EDARADD: variants seen among roughly 807,000 people sequenced by gnomAD.
EDARADD encodes the protein EDAR associated via death domain.
A neutral mutation model predicts 25.6 loss-of-function variants in EDARADD; 20 were observed. The ratio of observed to expected loss-of-function variants is 0.78; its 90% CI spans 0.55 to 1.14. The LOEUF (loss-of-function observed/expected upper bound fraction) is 1.14. Among genes scored for constraint, EDARADD ranks in the 50% most tolerant of loss-of-function variants. EDARADD has a pLI of 0.00. For synonymous variants in EDARADD, 86 were observed against 94.4 expected, an observed-to-expected ratio of 0.91 and a Z score of 0.52; for missense variants, 225 against 270.1, an observed-to-expected ratio of 0.83 and a Z score of 1.17.
chr1:236,414,696 G>A (rs1405965464), intron 3 of EDARADD, among the ~76,000 whole-genome samples: 1 of 152,036 alleles, frequency 6.6e-6, no homozygotes, highest in African/African-American at 2.4e-5. Flanking sequence ...CACTTTGGGA[G>A]GCCGAGGCAG....
At chr1:236,399,649 T>C (rs971144786) in intron 1 of EDARADD, among the ~76,000 whole-genome samples, 1 of 152,248 alleles carries the variant, frequency 6.6e-6, no homozygotes, top group East Asian at 1.9e-4. Context: ...GAGCCAGATT[T>C]GTCTGTCAAA....
chr1:236,460,099 C>G (rs971654826), intron 4 of EDARADD, among the ~76,000 whole-genome samples: 15 of 152,062 alleles, frequency 9.9e-5, no homozygotes, highest in African/African-American at 3.4e-4. Flanking sequence ...CTCTATATCC[C>G]AGAGCCTAGA....
At chr1:236,363,467 A>G (rs1667078530) in intron 3 of EDARADD, among the ~76,000 whole-genome samples, 1 of 151,608 alleles carries the variant, frequency 6.6e-6, no homozygotes, top group Non-Finnish European at 1.5e-5. Context: ...CTGTAATCCC[A>G]GCACTTTGGG....
chr1:236,435,835 G>A (rs1658236560), intron 4 of EDARADD, among the ~76,000 whole-genome samples: 1 of 152,062 alleles, frequency 6.6e-6, no homozygotes, highest in Admixed American at 6.6e-5. Context: ...AGAAGGTAGA[G>A]GGGATTCATT....
At chr1:236,438,923 G>A (rs910018108) in intron 4 of EDARADD, among the ~76,000 whole-genome samples, 2 of 152,212 alleles carry the variant, frequency 1.3e-5, no homozygotes, top group Non-Finnish European at 2.9e-5. Flanking sequence ...TTGGACAAAC[G>A]TCTGATGACA....
At chr1:236,436,141 T>TA (rs541668054) in intron 4 of EDARADD, among the ~76,000 whole-genome samples, 8,727 of 145,138 alleles carry the variant, frequency 0.06, 304 homozygotes, top group African/African-American at 0.087. Flanking sequence ...CCATCTCTAT[T>TA]AAAAAAAAAA....
intron 3 of EDARADD, among the ~76,000 whole-genome samples, chr1:236,387,362 G>A (rs1261749597): frequency 6.4e-5 from 2 of 31,064 alleles, no homozygotes; most frequent in Non-Finnish European, 1.4e-4. Context: ...CGCCCCCTCC[G>A]GGAGGGAGGT....
intron 4 of EDARADD, among the ~76,000 whole-genome samples, chr1:236,447,554 C>T (rs1658600760): frequency 1.3e-5 from 2 of 152,270 alleles, no homozygotes; most frequent in Non-Finnish European, 2.9e-5. Context: ...ATCCCTGAGC[C>T]TGCTGCATCA....
intron 5 of EDARADD, among the ~76,000 whole-genome samples, chr1:236,482,045 G>A (rs1301754771): frequency 1.3e-5 from 2 of 150,524 alleles, no homozygotes; most frequent in Non-Finnish European, 3.0e-5. Flanking sequence ...CCCCTGGGAG[G>A]CGGAGCTTGC....
intron 5 of EDARADD, 116 bp from the exon 6 acceptor site, chr1:236,482,150 GA>G: frequency 2.8e-6 from 3 of 1,061,198 alleles, no homozygotes; most frequent in Non-Finnish European, 4.3e-6. Flanking sequence ...CGAGCATTCT[GA>G]AATAGTCTTC....
At chr1:236,479,516 C>T (rs1238256676) in intron 5 of EDARADD, among the ~76,000 whole-genome samples, 2 of 151,442 alleles carry the variant, frequency 1.3e-5, no homozygotes, top group African/African-American at 2.4e-5. Context: ...AAAAAAAAAC[C>T]TCTCTATTCG....
At chr1:236,407,261 C>T (rs985851366) in intron 1 of EDARADD, among the ~76,000 whole-genome samples, 12 of 152,120 alleles carry the variant, frequency 7.9e-5, no homozygotes, top group South Asian at 2.1e-4. Flanking sequence ...CCGCGGTCCC[C>T]GGGGGTTAGG....
chr1:236,391,258 G>A (rs1042181420), upstream of EDARADD, among the ~76,000 whole-genome samples: 1 of 152,100 alleles, frequency 6.6e-6, no homozygotes, highest in Non-Finnish European at 1.5e-5. Context: ...GGGTGATGTC[G>A]CCACCACCTA....
chr1:236,403,588 A>G (rs1466209371), intron 1 of EDARADD, among the ~76,000 whole-genome samples: 1 of 152,184 alleles, frequency 6.6e-6, no homozygotes, highest in East Asian at 1.9e-4. Flanking sequence ...CGCCCAGCCT[A>G]GAGCTTTGAA....
chr1:236,356,030 T>C (rs1048612095), intron 3 of EDARADD, among the ~76,000 whole-genome samples: 2 of 152,182 alleles, frequency 1.3e-5, no homozygotes, highest in African/African-American at 4.8e-5. Flanking sequence ...AAAAAACTCA[T>C]CAGTGTCTGC....
intron 4 of EDARADD, among the ~76,000 whole-genome samples, chr1:236,434,677 T>A (rs1204573644): frequency 6.6e-6 from 1 of 152,150 alleles, no homozygotes; most frequent in Non-Finnish European, 1.5e-5. Context: ...ACAGAGGATC[T>A]GAGGGGAGAT....
intron 4 of EDARADD, among the ~76,000 whole-genome samples, chr1:236,466,741 T>C (rs932358159): frequency 6.6e-6 from 1 of 152,136 alleles, no homozygotes; most frequent in African/African-American, 2.4e-5. Context: ...GAAAGGCTTC[T>C]CTGAGAAGAT....
chr1:236,383,924 C>A (rs748281087), intron 3 of EDARADD, among the ~76,000 whole-genome samples: 10 of 152,088 alleles, frequency 6.6e-5, no homozygotes, highest in Non-Finnish European at 1.2e-4. Context: ...ATCACTTGAG[C>A]CCCGGTAGGT....
intron 4 of EDARADD, among the ~76,000 whole-genome samples, chr1:236,466,414 TTCTCTCTCAC>T (rs1313289068): frequency 7.4e-6 from 1 of 136,040 alleles, no homozygotes; most frequent in African/African-American, 2.8e-5. Flanking sequence ...GTTTCTCTCT[TTCTCTCTCAC>T]TCTCTCTCTC....
Sources: allele counts gnomAD v4.1 joint callset (sites outside exome capture counted in the v4.1 genomes callset), GRCh38; gene constraint gnomAD v4.1.1; transcripts MANE v1.5; gene names NCBI Gene and HGNC (gene_info 2026-07-23, HGNC 2026-07-21).